MSRA: variants seen among roughly 807,000 people sequenced by gnomAD.
The protein encoded by MSRA is mitochondrial peptide methionine sulfoxide reductase.
MSRA carries 54 observed loss-of-function variants against 31.3 expected under a neutral mutation model. The observed-to-expected ratio is 1.73, with a 90% CI of 1.39 to 2.17. The LOEUF (loss-of-function observed/expected upper bound fraction) is 2.17, where lower values mean the gene tolerates loss of function less well. Ranked by LOEUF, MSRA falls within the 30% of genes most tolerant of loss-of-function variation. The probability of loss-of-function intolerance (pLI) is 0.00; values close to 1 mark genes in which losing one functional copy is unlikely to be tolerated. For synonymous variants in MSRA, 169 were observed against 116.5 expected (o/e 1.45, Z -2.90); for missense variants, 507 against 300.9 (o/e 1.69, Z -5.07).
chr8:10,202,687 A>G (rs1460523568), intron 1 of MSRA, among the ~76,000 whole-genome samples: 1 of 152,140 alleles, frequency 6.6e-6, no homozygotes, highest in Non-Finnish European at 1.5e-5. Context: ...GCCGTTCCTG[A>G]AACAGACCTG....
intron 5 of MSRA, among the ~76,000 whole-genome samples, chr8:10,344,765 C>G (rs1803665271): frequency 1.3e-5 from 2 of 152,070 alleles, no homozygotes; most frequent in African/African-American, 4.8e-5. Context: ...TTCTCCATTA[C>G]TGTGTGAGGT....
rs531468381 is a variant in MSRA, at chr8:10,315,586, T to G, written c.437-4297T>G. ...AACTACAAAGGTATAATATGTCGAT[T>G]GCTACTTCTGCTAATATGAACACTA... On this transcript the variant is annotated intron_variant, in intron 4 of 5. Transcript: ENST00000317173. Among the ~76,000 whole-genome samples, 69 of 152,368 alleles carry G rather than the reference T, an allele frequency of 4.5e-4. 1 individual carries two copies. In the South Asian group the frequency reaches 0.014, roughly 31 times the overall value.
chr8:10,211,410 G>T (rs1809483961), intron 2 of MSRA, among the ~76,000 whole-genome samples: 1 of 152,018 alleles, frequency 6.6e-6, no homozygotes. Flanking sequence ...CCTCTCCTCT[G>T]CCCTTTTGGA....
chr8:10,206,847 T>G (rs1259619370), intron 1 of MSRA, among the ~76,000 whole-genome samples: 1 of 152,200 alleles, frequency 6.6e-6, no homozygotes, highest in African/African-American at 2.4e-5. Flanking sequence ...GCAGTTGTTA[T>G]TTCTTGAAGA....
At chr8:10,375,910 G>A (rs145279572) in intron 5 of MSRA, among the ~76,000 whole-genome samples, 94 of 152,308 alleles carry the variant, frequency 6.2e-4, no homozygotes, top group South Asian at 4.6e-3. Context: ...AGGTCAATAC[G>A]ATCAGTGCTA....
intron 1 of MSRA, among the ~76,000 whole-genome samples, chr8:10,066,786 C>T (rs1421220522): frequency 1.3e-5 from 2 of 152,016 alleles, no homozygotes; most frequent in Non-Finnish European, 2.9e-5. Context: ...CCGCCTACCT[C>T]ACCCTCCCAA....
intron 1 of MSRA, among the ~76,000 whole-genome samples, chr8:10,137,905 A>G (rs879448340): frequency 6.6e-6 from 1 of 152,214 alleles, no homozygotes; most frequent in Non-Finnish European, 1.5e-5. Flanking sequence ...ACCCTGAAGA[A>G]GAGACCGCAA....
chr8:10,218,479 C>G (rs1308702459), intron 2 of MSRA, among the ~76,000 whole-genome samples: 1 of 152,112 alleles, frequency 6.6e-6, no homozygotes, highest in Non-Finnish European at 1.5e-5. Context: ...TTAGCATCCC[C>G]TTACTGATCA....
intron 1 of MSRA, among the ~76,000 whole-genome samples, chr8:10,197,915 G>C (rs957586403): frequency 3.2e-4 from 48 of 152,304 alleles, no homozygotes; most frequent in African/African-American, 1.1e-3. Context: ...GGGAAGAAAA[G>C]GGCTCTGCTG....
chr8:10,378,806 A>G (rs908798321), intron 5 of MSRA, among the ~76,000 whole-genome samples: 5 of 152,214 alleles, frequency 3.3e-5, no homozygotes, highest in Non-Finnish European at 4.4e-5. Context: ...AATCCCTGCA[A>G]GTGTTCTGAG....
chr8:10,272,795 A>C (rs908897607), intron 3 of MSRA, among the ~76,000 whole-genome samples: 8 of 152,188 alleles, frequency 5.3e-5, no homozygotes, highest in African/African-American at 1.9e-4. Flanking sequence ...AATTTTTGTC[A>C]CATTCATCTT....
Position 10,083,019 on chromosome 8 carries a change from T to C in MSRA, c.142+28361T>C, listed in dbSNP as rs190013372. 1.2e-3 allele frequency among the ~76,000 whole-genome samples: 188 copies of C among 152,340 alleles called. 1 individual carries two copies. The highest frequency in any genetic ancestry group is 3.4e-3 in the African/African-American group (142 of 41,586). On this transcript the variant is annotated intron_variant, in intron 1 of 5. Coordinates refer to ENST00000317173, the MANE Select transcript of MSRA (RefSeq NM_012331.5). Reference sequence around the variant, plus strand: ...GATGAGAATAATTAAGCCTCCAATCTGATGGCACTGACTGGGGGTGCATTT... The same window carrying C: ...GATGAGAATAATTAAGCCTCCAATCCGATGGCACTGACTGGGGGTGCATTT...
chr8:10,194,513 C>G (rs549205671), intron 1 of MSRA, among the ~76,000 whole-genome samples: 1 of 152,262 alleles, frequency 6.6e-6, no homozygotes, highest in African/African-American at 2.4e-5. Context: ...TTGCGGTGAG[C>G]CAAGATCATG....
chr8:10,334,558 G>A (rs1165426721), intron 5 of MSRA, among the ~76,000 whole-genome samples: 3 of 152,158 alleles, frequency 2.0e-5, no homozygotes, highest in African/African-American at 7.2e-5. Flanking sequence ...CGCAGCCCGC[G>A]TGGTCCCGAG....
At chr8:10,094,125 A>G (rs1426693423) in intron 1 of MSRA, among the ~76,000 whole-genome samples, 1 of 152,252 alleles carries the variant, frequency 6.6e-6, no homozygotes, top group Non-Finnish European at 1.5e-5. Flanking sequence ...CCCTATTTGA[A>G]GGGACAGCAT....
intron 5 of MSRA, among the ~76,000 whole-genome samples, chr8:10,405,119 G>A (rs914878886): frequency 2.6e-5 from 4 of 152,182 alleles, no homozygotes; most frequent in Admixed American, 6.5e-5. Flanking sequence ...CAAGTGCACC[G>A]GAAGCCTGTT....
chr8:10,313,456 A>G (rs1179121978), intron 4 of MSRA, among the ~76,000 whole-genome samples: 1 of 151,734 alleles, frequency 6.6e-6, no homozygotes, highest in Non-Finnish European at 1.5e-5. Context: ...GTGGAGTGCT[A>G]CCAAAAAATC....
chr8:10,149,174 T>C (rs1803430661), intron 1 of MSRA, among the ~76,000 whole-genome samples: 1 of 150,812 alleles, frequency 6.6e-6, no homozygotes, highest in South Asian at 2.1e-4. Context: ...TGGGCTGGAG[T>C]GCAATGGCAC....
chr8:10,064,414 T>C (rs1454329821), intron 1 of MSRA, among the ~76,000 whole-genome samples: 2 of 152,170 alleles, frequency 1.3e-5, no homozygotes, highest in African/African-American at 4.8e-5. Context: ...TTTGTATCCT[T>C]TCATGGAAGT....
Sources: allele counts gnomAD v4.1 joint callset (sites outside exome capture counted in the v4.1 genomes callset), GRCh38; gene constraint gnomAD v4.1.1; transcripts MANE v1.5; gene names NCBI Gene and HGNC (gene_info 2026-07-23, HGNC 2026-07-21).